Variants in CHN2 observed in about 807,000 individuals in gnomAD.
CHN2 encodes the protein beta-chimaerin.
A neutral mutation model predicts 56.3 loss-of-function variants in CHN2; 35 were observed. The observed-to-expected ratio is 0.62, with a 90% confidence interval of 0.47 to 0.82. CHN2 has a LOEUF of 0.82. Among genes scored for constraint, CHN2 ranks in the 40% least tolerant of loss-of-function variants. The probability of loss-of-function intolerance (pLI) is 0.00; values close to 1 mark genes in which losing one functional copy is unlikely to be tolerated. For missense variants in CHN2, 491 were observed against 580.5 expected (o/e 0.85, Z 1.58); for synonymous variants, 210 against 212.8 (o/e 0.99, Z 0.12).
At chr7:29,248,367 C>T (rs1166528876) in intron 1 of CHN2, among the ~76,000 whole-genome samples, 1 of 152,222 alleles carries the variant, frequency 6.6e-6, no homozygotes, top group African/African-American at 2.4e-5. Context: ...CCCTAGTCTT[C>T]CTCCAGCTCA....
intron 1 of CHN2, among the ~76,000 whole-genome samples, chr7:29,266,495 A>C (rs1006775122): frequency 6.6e-6 from 1 of 152,220 alleles, no homozygotes; most frequent in Non-Finnish European, 1.5e-5. Context: ...AATGTGTCGC[A>C]AGATGGTGTG....
chr7:29,399,088 A>G (rs1801996357), intron 5 of CHN2, among the ~76,000 whole-genome samples: 3 of 152,208 alleles, frequency 2.0e-5, no homozygotes, highest in Admixed American at 6.5e-5. Flanking sequence ...GCAGTATATC[A>G]GAGTTTGTTT....
At chr7:29,184,906 G>A (rs1798525501) in intron 2 of CHN2, among the ~76,000 whole-genome samples, 1 of 152,112 alleles carries the variant, frequency 6.6e-6, no homozygotes, top group African/African-American at 2.4e-5. Context: ...AGTTTATGTG[G>A]ATAAGGACAA....
intron 6 of CHN2, among the ~76,000 whole-genome samples, chr7:29,408,607 C>G (rs1802885007): frequency 6.6e-6 from 1 of 152,150 alleles, no homozygotes; most frequent in South Asian, 2.1e-4. Flanking sequence ...TCCATGACTC[C>G]TTTCCCGAGA....
At chr7:29,301,877 A>G (rs1044920808) in intron 1 of CHN2, among the ~76,000 whole-genome samples, 2 of 152,218 alleles carry the variant, frequency 1.3e-5, no homozygotes, top group Non-Finnish European at 2.9e-5. Context: ...CGACTTAAAC[A>G]TATATTTCCA....
At chr7:29,232,715 A>G (rs558205188) in intron 1 of CHN2, among the ~76,000 whole-genome samples, 1 of 152,264 alleles carries the variant, frequency 6.6e-6, no homozygotes. Context: ...CATGTATCCC[A>G]TCGGTGTGCA....
intron 6 of CHN2, among the ~76,000 whole-genome samples, chr7:29,464,491 C>G (rs149086565): frequency 2.3e-3 from 351 of 152,282 alleles, no homozygotes; most frequent in African/African-American, 8.0e-3. Context: ...CCATGGCACA[C>G]GTTTACCTAT....
At chr7:29,427,129 C>A (rs1032705182) in intron 6 of CHN2, among the ~76,000 whole-genome samples, 3 of 152,132 alleles carry the variant, frequency 2.0e-5, no homozygotes, top group Non-Finnish European at 2.9e-5. Context: ...ACCAGCCTGG[C>A]CAACATGGGG....
intron 11 of CHN2, among the ~76,000 whole-genome samples, chr7:29,508,129 A>G (rs6970326): frequency 0.97 from 147,806 of 152,304 alleles, 71,747 homozygotes; most frequent in East Asian, 1. Flanking sequence ...CCATTTTACA[A>G]AGAAGAAAAG....
chr7:29,236,905 T>C (rs1186866753), intron 1 of CHN2, among the ~76,000 whole-genome samples: 1 of 152,208 alleles, frequency 6.6e-6, no homozygotes, highest in Non-Finnish European at 1.5e-5. Context: ...GTGATTACAT[T>C]AGGCTCACCC....
intron 2 of CHN2, among the ~76,000 whole-genome samples, chr7:29,367,620 G>A (rs538799416): frequency 6.6e-6 from 1 of 152,146 alleles, no homozygotes; most frequent in African/African-American, 2.4e-5. Context: ...CTTTAAAATA[G>A]TCAAAAGAAT....
intron 6 of CHN2, among the ~76,000 whole-genome samples, chr7:29,410,836 GT>G (rs1002322829): frequency 6.6e-6 from 1 of 151,988 alleles, no homozygotes; most frequent in Non-Finnish European, 1.5e-5. Flanking sequence ...AATTTGAGAA[GT>G]TTTTAAAGAA....
chr7:29,171,918 T>C (rs919541764), intron 2 of CHN2, among the ~76,000 whole-genome samples: 1 of 152,166 alleles, frequency 6.6e-6, no homozygotes, highest in African/African-American at 2.4e-5. Flanking sequence ...CCAATTCCCA[T>C]ATGTTTGACT....
In CHN2 at chr7:29,385,870, T is replaced by A. The variant is rs1007747556; in HGVS notation, c.145-7809T>A. Among the ~76,000 whole-genome samples, 18 of 152,364 alleles carry A rather than the reference T, an allele frequency of 1.2e-4. No individual in the cohort carries two copies. The South Asian group carries it at 3.1e-3, about 26-fold the overall frequency. On this transcript the variant is annotated intron_variant, in intron 3 of 12. Coordinates refer to ENST00000222792, the MANE Select transcript of CHN2 (RefSeq NM_004067.4). ...GAACTGCTTTTGTCTCGAGCACCCC[T>A]AAGCTGATCTACTTGTTTGCATCTG...
chr7:29,344,023 A>G (rs1797244232), intron 1 of CHN2, among the ~76,000 whole-genome samples: 1 of 152,118 alleles, frequency 6.6e-6, no homozygotes, highest in African/African-American at 2.4e-5. Flanking sequence ...TGCTTAAGCC[A>G]AAAACCATTC....
At chr7:29,421,374 G>A (rs1057388249) in intron 6 of CHN2, among the ~76,000 whole-genome samples, 3 of 152,116 alleles carry the variant, frequency 2.0e-5, no homozygotes, top group African/African-American at 7.2e-5. Context: ...TCTCAGAAGT[G>A]TCCTCAGGGA....
intron 6 of CHN2, among the ~76,000 whole-genome samples, chr7:29,443,903 T>C (rs1438397010): frequency 1.3e-5 from 2 of 152,158 alleles, no homozygotes; most frequent in African/African-American, 4.8e-5. Flanking sequence ...CAAGAACTTG[T>C]TAGAACAAGA....
chr7:29,486,067 C>T (rs770645577), intron 7 of CHN2, among the ~76,000 whole-genome samples: 1 of 152,136 alleles, frequency 6.6e-6, no homozygotes, highest in Non-Finnish European at 1.5e-5. Flanking sequence ...TTCTCCCTAG[C>T]GCTGATCACC....
chr7:29,335,191 C>T (rs1263399056), intron 1 of CHN2, among the ~76,000 whole-genome samples: 1 of 152,196 alleles, frequency 6.6e-6, no homozygotes, highest in African/African-American at 2.4e-5. Flanking sequence ...AATATGGAGT[C>T]ACTCATGCAT....
Sources: allele counts gnomAD v4.1 joint callset (sites outside exome capture counted in the v4.1 genomes callset), GRCh38; gene constraint gnomAD v4.1.1; transcripts MANE v1.5; gene names NCBI Gene and HGNC (gene_info 2026-07-23, HGNC 2026-07-21).